TMEM260: variants seen among roughly 807,000 people sequenced by gnomAD.
TMEM260 encodes transmembrane protein 260.
Under a neutral mutation model 88.9 loss-of-function variants are expected in TMEM260, and 82 were observed. That is an observed-to-expected ratio of 0.92 (90% CI 0.77 to 1.11). The LOEUF (loss-of-function observed/expected upper bound fraction) is 1.11. Ranked by LOEUF, TMEM260 falls within the 50% of genes least tolerant of loss-of-function variation. TMEM260 has a pLI of 0.00. For missense variants in TMEM260, 902 were observed against 853.4 expected (o/e 1.06, Z -0.71); for synonymous variants, 314 against 309.3 (o/e 1.02, Z -0.16).
At chr14:56,622,763 T>C (rs1429705943) in intron 11 of TMEM260, among the ~76,000 whole-genome samples, 2 of 152,214 alleles carry the variant, frequency 1.3e-5, no homozygotes, top group Non-Finnish European at 2.9e-5. Context: ...TTGAACAAAT[T>C]ATTAGGCATA....
chr14:56,624,948 C>T (rs1044079005), intron 11 of TMEM260, among the ~76,000 whole-genome samples: 1 of 152,184 alleles, frequency 6.6e-6, no homozygotes, highest in African/African-American at 2.4e-5. Flanking sequence ...GCATTAGATT[C>T]TCTTAAGGAG....
rs117460740 is a variant in TMEM260 at position 56,607,485 on chromosome 14, C to T, written c.637-1621C>T. On this transcript the variant is annotated intron_variant, in intron 5 of 15. Coordinates refer to ENST00000261556, the MANE Select transcript of TMEM260 (RefSeq NM_017799.4). ...AGCAGAGGCTAGAAAATAAGGCCTA[C>T]CAATGAAGTAACAGGGTAGTTGGAT... 3.7e-3 allele frequency among the ~76,000 whole-genome samples: 562 copies of T among 152,208 alleles called. 1 individual carries two copies. The highest frequency in any genetic ancestry group is 0.01 in the Middle Eastern group (3 of 294).
At chr14:56,655,762 G>A in the TMEM260 span, among the ~76,000 whole-genome samples, 1 of 152,076 alleles carries the variant, frequency 6.6e-6, no homozygotes, top group Admixed American at 6.6e-5. Context: ...TTATAATTTG[G>A]ATACAATAGA....
rs141472849 is a variant in TMEM260 at position 56,584,026 on chromosome 14, GTA to G, written c.161-973_161-972del. On this transcript the variant is annotated intron_variant, in intron 1 of 15. Coordinates refer to ENST00000261556, the MANE Select transcript of TMEM260 (RefSeq NM_017799.4). Reference sequence around the variant, plus strand: ...TGTGTGTGTGTGTGTGTGTGTGTGTGTATGTGTTTAGGGGCATGGGGGAAGGC... The same window carrying G: ...TGTGTGTGTGTGTGTGTGTGTGTGTGTGTGTTTAGGGGCATGGGGGAAGGC... Among the ~76,000 whole-genome samples the G allele has an allele frequency of 9.9e-3, 1,386 of 140,422 alleles. 23 individuals carry two copies. Among genetic ancestry groups the G allele is most frequent in the African/African-American group, 0.034 (1,290 of 38,340 alleles). The allele number at this position is 140,422 out of a possible 152,430, so 92.1% of individuals were successfully genotyped here.
At chr14:56,609,008 G>A in intron 5 of TMEM260, 98 bp from the exon 6 acceptor site, 1 of 1,259,556 alleles carries the variant, frequency 7.9e-7, no homozygotes, top group Non-Finnish European at 1.1e-6. Flanking sequence ...TCAGCTCTGA[G>A]TAAACATATT....
At chr14:56,642,099 T>C (rs921592904) in intron 15 of TMEM260, among the ~76,000 whole-genome samples, 17 of 152,264 alleles carry the variant, frequency 1.1e-4, no homozygotes, top group African/African-American at 2.6e-4. Flanking sequence ...GACAGATCCA[T>C]GAGACAGAAA....
intron 12 of TMEM260, among the ~76,000 whole-genome samples, chr14:56,626,972 T>C (rs76190828): frequency 6.6e-6 from 1 of 152,156 alleles, no homozygotes; most frequent in South Asian, 2.1e-4. Flanking sequence ...TGAGATATCA[T>C]TTTCTGTCCA....
chr14:56,600,066 T>C (rs529465708), intron 3 of TMEM260, among the ~76,000 whole-genome samples: 1 of 152,340 alleles, frequency 6.6e-6, no homozygotes, highest in South Asian at 2.1e-4. Flanking sequence ...TTAAAGGCAG[T>C]GTGTTGAAAT....
chr14:56,579,578 G>A (rs1161143477), upstream of TMEM260: 2 of 246,844 alleles, frequency 8.1e-6, no homozygotes, highest in East Asian at 7.3e-5. Flanking sequence ...CAGTATAAAA[G>A]GGGGGAATAG....
chr14:56,588,181 A>C (rs1885629139), intron 3 of TMEM260, among the ~76,000 whole-genome samples: 1 of 152,072 alleles, frequency 6.6e-6, no homozygotes, highest in Admixed American at 6.6e-5. Flanking sequence ...TTGATCCAGG[A>C]AACAGTTTTA....
chr14:56,639,714 C>T (rs1237745815), intron 15 of TMEM260, among the ~76,000 whole-genome samples: 1 of 152,190 alleles, frequency 6.6e-6, no homozygotes, highest in Non-Finnish European at 1.5e-5. Flanking sequence ...CGCAAGGGGG[C>T]AGGGAATTCC....
At chr14:56,646,426 A>G (rs565408810) in intron 15 of TMEM260, among the ~76,000 whole-genome samples, 10 of 152,232 alleles carry the variant, frequency 6.6e-5, no homozygotes, top group Non-Finnish European at 1.5e-4. Flanking sequence ...ACAATCTCCA[A>G]GAAAGCTGTG....
rs772718347 is a variant in TMEM260, at chr14:56,616,037, A to G, written c.941+10A>G. 2.6e-5 allele frequency: 41 copies of G among 1,582,180 alleles called. No individual in the cohort carries two copies. The highest frequency in any genetic ancestry group is 3.5e-5 in the Non-Finnish European group (40 of 1,152,056). ...TATGTTTAGCAACAAAGTAAGTAAT[A>G]CAATTCCTTTTTCTGTTATTTTTCT... On this transcript the variant is annotated intron_variant, in intron 8 of 15. Transcript: ENST00000261556.
At chr14:56,658,141 T>TG in the TMEM260 span, among the ~76,000 whole-genome samples, 1 of 152,304 alleles carries the variant, frequency 6.6e-6, no homozygotes, top group African/African-American at 2.4e-5. Flanking sequence ...CCCACACCCT[T>TG]GCTTAGCTTC....
rs559972487 is a variant in TMEM260, at chr14:56,621,574, A to G, written c.1270A>G (p.Lys424Glu). 2 of 1,610,702 alleles carry G rather than the reference A, an allele frequency of 1.2e-6. No homozygotes were observed. The highest frequency in any genetic ancestry group is 2.2e-5 in the East Asian group (1 of 44,790). ...CAACTATGTGATTGATAAGTTCGCA[A>G]AGAACCTTCTCACCTCTATGCCTCA... ...RTNYVIDKFA[K>E]NLLTSMPHDA... The change falls in exon 11 of 16, where the codon AAG becomes GAG. Residue 424 changes from lysine (K) to glutamate (E), a missense_variant. Transcript: ENST00000261556.
intron 15 of TMEM260, among the ~76,000 whole-genome samples, chr14:56,640,303 A>T (rs1889482679): frequency 6.6e-6 from 1 of 151,644 alleles, no homozygotes; most frequent in Admixed American, 6.6e-5. Context: ...CAAAACTTCC[A>T]GAGGGACAAT....
rs913342115 is a variant in TMEM260, at chr14:56,633,038, A to G, written c.1591A>G (p.Thr531Ala). The G allele has an allele frequency of 1.2e-6, 2 of 1,613,824 alleles. No homozygotes were observed. Among genetic ancestry groups the G allele is most frequent in the Non-Finnish European group, 1.7e-6 (2 of 1,179,958 alleles). ...VCIGIHEGDP[T>A]WKKNYSLWPW... The stretch of plus-strand genomic sequence containing the variant: ...CATAGGAATTCATGAAGGCGACCCA[A>G]CCTGGAAAAAGAACTATTCACTTTG... Residue 531 changes from threonine (T) to alanine (A), a missense_variant, in exon 13 of 16, where the codon ACC (threonine) becomes GCC (alanine). Physicochemically the swap from Thr to Ala is moderately conservative, Grantham distance 58. Coordinates refer to ENST00000261556, the MANE Select transcript of TMEM260 (RefSeq NM_017799.4).
chr14:56,616,535 CT>C (rs1293139949), intron 8 of TMEM260, among the ~76,000 whole-genome samples: 1 of 151,914 alleles, frequency 6.6e-6, no homozygotes, highest in African/African-American at 2.4e-5. Flanking sequence ...TATAAAAATA[CT>C]TAAAATCATT....
intron 15 of TMEM260, among the ~76,000 whole-genome samples, chr14:56,641,701 A>C (rs965724661): frequency 6.6e-6 from 1 of 152,242 alleles, no homozygotes; most frequent in Non-Finnish European, 1.5e-5. Context: ...AAATGCTCCA[A>C]TTAAAAGACA....
Sources: allele counts gnomAD v4.1 joint callset (sites outside exome capture counted in the v4.1 genomes callset), GRCh38; gene constraint gnomAD v4.1.1; transcripts MANE v1.5; gene names NCBI Gene and HGNC (gene_info 2026-07-23, HGNC 2026-07-21).